The following LRRC37A2 variants were observed in gnomAD, a reference collection of about 807,000 sequenced individuals.
LRRC37A2 encodes leucine-rich repeat-containing protein 37A2.
A neutral mutation model predicts 68.8 loss-of-function variants in LRRC37A2; 9 were observed. The ratio of observed to expected loss-of-function variants is 0.13; its 90% CI spans 0.08 to 0.23. The LOEUF is 0.23. Ranked by LOEUF, LRRC37A2 falls within the 10% of genes least tolerant of loss-of-function variation. LRRC37A2 has a pLI of 1.00. For synonymous variants in LRRC37A2, 63 were observed against 367.6 expected, an observed-to-expected ratio of 0.17 and a Z score of 9.48; for missense variants, 168 against 950.4, an observed-to-expected ratio of 0.18 and a Z score of 10.82.
the LRRC37A2 span, chr17:46,930,651 CTT>C: frequency 2.6e-4 from 24 of 91,450 alleles, no homozygotes; most frequent in East Asian, 6.7e-4. Flanking sequence ...TTCCTTTATG[CTT>C]TTTTTTTTTT....
the LRRC37A2 span, among the ~76,000 whole-genome samples, chr17:46,754,372 G>A: frequency 3.3e-5 from 5 of 152,070 alleles, no homozygotes; most frequent in African/African-American, 7.2e-5. Context: ...CGTGGTTGGA[G>A]TGGGAGTCCA....
the LRRC37A2 span, chr17:47,018,657 G>T: frequency 2.0e-6 from 3 of 1,520,336 alleles, no homozygotes; most frequent in East Asian, 4.5e-5. Flanking sequence ...TATTAATAAT[G>T]AGAACCCCTC....
the LRRC37A2 span, chr17:47,017,458 C>T: frequency 6.8e-7 from 1 of 1,475,798 alleles, no homozygotes; most frequent in Non-Finnish European, 9.4e-7. Flanking sequence ...CACCTGGGGC[C>T]CTCTGCTTCC....
chr17:46,687,425 C>T, the LRRC37A2 span, among the ~76,000 whole-genome samples: 1 of 151,302 alleles, frequency 6.6e-6, no homozygotes, highest in South Asian at 2.1e-4. Context: ...TCCCTTGTAT[C>T]TTTTCCCTTC....
chr17:46,872,689 C>T, the LRRC37A2 span: 2 of 1,613,602 alleles, frequency 1.2e-6, no homozygotes, highest in Non-Finnish European at 1.7e-6. Flanking sequence ...TGCTGCGCAC[C>T]TCGGCCTGCT....
chr17:46,807,299 A>G, the LRRC37A2 span, among the ~76,000 whole-genome samples: 191 of 152,314 alleles, frequency 1.3e-3, 1 homozygote, highest in African/African-American at 4.5e-3. Flanking sequence ...CCTGACCAAC[A>G]TGGTGAAATC....
At chr17:47,001,601 G>A in the LRRC37A2 span, among the ~76,000 whole-genome samples, 1 of 151,864 alleles carries the variant, frequency 6.6e-6, no homozygotes, top group African/African-American at 2.4e-5. Flanking sequence ...AGTGAAGAAA[G>A]CCATCCTCCC....
chr17:46,959,572 T>C, the LRRC37A2 span, among the ~76,000 whole-genome samples: 10 of 152,218 alleles, frequency 6.6e-5, no homozygotes, highest in Non-Finnish European at 1.5e-4. Context: ...CAAGAGCTTA[T>C]TACTATTATA....
chr17:46,956,975 G>T, the LRRC37A2 span, among the ~76,000 whole-genome samples: 3 of 152,304 alleles, frequency 2.0e-5, no homozygotes, highest in Admixed American at 1.3e-4. Context: ...TAAAGGTTGC[G>T]GGGGTGAGCT....
the LRRC37A2 span, among the ~76,000 whole-genome samples, chr17:46,858,084 C>T: frequency 6.6e-6 from 1 of 152,156 alleles, no homozygotes; most frequent in African/African-American, 2.4e-5. Flanking sequence ...CATGCGCCAC[C>T]ATGCTCGGCT....
the LRRC37A2 span, among the ~76,000 whole-genome samples, chr17:46,785,501 A>T: frequency 6.6e-6 from 1 of 152,356 alleles, no homozygotes; most frequent in African/African-American, 2.4e-5. Flanking sequence ...CCCCGAGGAC[A>T]GGCCCCAGGA....
chr17:46,924,171 A>C, the LRRC37A2 span: 8 of 288,612 alleles, frequency 2.8e-5, no homozygotes, highest in South Asian at 1.7e-4. Flanking sequence ...ACTTCTCTCT[A>C]TGAGTTTACC....
At chr17:46,959,843 T>A in the LRRC37A2 span, among the ~76,000 whole-genome samples, 4 of 152,202 alleles carry the variant, frequency 2.6e-5, no homozygotes, top group Non-Finnish European at 2.9e-5. Flanking sequence ...TTCCCACCAC[T>A]GGAGCTGACT....
the LRRC37A2 span, among the ~76,000 whole-genome samples, chr17:46,839,372 G>A: frequency 6.6e-6 from 1 of 152,226 alleles, no homozygotes; most frequent in Non-Finnish European, 1.5e-5. Context: ...CCCCTGGCGG[G>A]TCCAGGCAGC....
the LRRC37A2 span, among the ~76,000 whole-genome samples, chr17:46,841,783 T>C: frequency 4.1e-4 from 63 of 152,342 alleles, no homozygotes; most frequent in Admixed American, 2.9e-3. Flanking sequence ...GAAGCCTGCA[T>C]CCAGCTGAGA....
chr17:47,015,311 A>G, the LRRC37A2 span, among the ~76,000 whole-genome samples: 2 of 151,868 alleles, frequency 1.3e-5, no homozygotes, highest in African/African-American at 4.8e-5. Context: ...CCCAGGCCCC[A>G]TTTTTGTCTT....
chr17:46,830,344 C>T, the LRRC37A2 span, among the ~76,000 whole-genome samples: 1 of 152,178 alleles, frequency 6.6e-6, no homozygotes, highest in Non-Finnish European at 1.5e-5. Context: ...CTCGACCTCC[C>T]GGGCTCAAGC....
At chr17:46,970,276 C>T in the LRRC37A2 span, among the ~76,000 whole-genome samples, 1 of 152,140 alleles carries the variant, frequency 6.6e-6, no homozygotes, top group Non-Finnish European at 1.5e-5. Context: ...CGCGGTGGCT[C>T]ACGCCTGTAA....
At chr17:46,923,206 T>C in the LRRC37A2 span, 1 of 1,549,786 alleles carries the variant, frequency 6.5e-7, no homozygotes, top group Non-Finnish European at 8.7e-7. Flanking sequence ...GATCCCCTGT[T>C]CCAGCAAACG....
Sources: gnomAD v4.1 joint callset for allele counts (sites outside exome capture counted in the v4.1 genomes callset) on GRCh38, gnomAD v4.1.1 for gene constraint, MANE v1.5 for transcripts, NCBI Gene and HGNC (gene_info 2026-07-23, HGNC 2026-07-21) for gene names.